The following FSTL5 variants were observed in gnomAD, a reference collection of about 807,000 sequenced individuals.
FSTL5 encodes follistatin-related protein 5.
In FSTL5, 62 loss-of-function variants were observed where a neutral mutation model predicts 89.1. The ratio of observed to expected loss-of-function variants is 0.70; its 90% CI spans 0.57 to 0.86. FSTL5 has a LOEUF of 0.86. FSTL5 is among the 40% of genes least tolerant of loss of function. The pLI, the probability that FSTL5 is intolerant of heterozygous loss-of-function variation, is 0.00. For missense variants in FSTL5, 1,057 were observed against 1,001.6 expected, an observed-to-expected ratio of 1.06 and a Z score of -0.75; for synonymous variants, 383 against 346.2, an observed-to-expected ratio of 1.11 and a Z score of -1.18.
intron 8 of FSTL5, among the ~76,000 whole-genome samples, chr4:161,565,593 G>T (rs1260223459): frequency 2.0e-5 from 3 of 151,606 alleles, no homozygotes; most frequent in Non-Finnish European, 2.9e-5. Context: ...GCAAAAGCTT[G>T]CTGTTTGCCC....
intron 5 of FSTL5, among the ~76,000 whole-genome samples, chr4:161,763,356 G>T (rs1740874681): frequency 6.6e-6 from 1 of 152,192 alleles, no homozygotes; most frequent in African/African-American, 2.4e-5. Flanking sequence ...AATTGAATGT[G>T]CCAGAAGTGG....
At chr4:161,870,321 T>C (rs753749918) in intron 4 of FSTL5, among the ~76,000 whole-genome samples, 2 of 151,686 alleles carry the variant, frequency 1.3e-5, no homozygotes, top group African/African-American at 4.8e-5. Context: ...ATCACAAAGA[T>C]TAAATATTAT....
At chr4:161,987,328 C>CT (rs1285577556) in intron 3 of FSTL5, among the ~76,000 whole-genome samples, 1 of 151,656 alleles carries the variant, frequency 6.6e-6, no homozygotes, top group African/African-American at 2.4e-5. Context: ...AAATGTATCT[C>CT]TTTTAGTGGG....
intron 3 of FSTL5, among the ~76,000 whole-genome samples, chr4:161,983,026 T>C (rs1216048663): frequency 6.6e-6 from 1 of 152,196 alleles, no homozygotes; most frequent in Non-Finnish European, 1.5e-5. Context: ...AATGAAGTTA[T>C]CATTAGAGCA....
chr4:161,424,054 T>C (rs1732088409), intron 15 of FSTL5, among the ~76,000 whole-genome samples: 1 of 135,758 alleles, frequency 7.4e-6, no homozygotes, highest in Non-Finnish European at 1.6e-5. Context: ...TTTTTTTGTA[T>C]TTTTAGTAGA....
chr4:161,614,191 CA>C (rs1205375062), intron 7 of FSTL5, among the ~76,000 whole-genome samples: 2 of 152,016 alleles, frequency 1.3e-5, no homozygotes, highest in South Asian at 2.1e-4. Context: ...CTCAAAATTA[CA>C]AAAAACAAAC....
intron 7 of FSTL5, among the ~76,000 whole-genome samples, chr4:161,601,270 C>CA (rs915848183): frequency 1.2e-4 from 12 of 104,212 alleles, no homozygotes; most frequent in African/African-American, 3.8e-4. Flanking sequence ...CAAAACAAAA[C>CA]AAAAAAACAA....
intron 4 of FSTL5, among the ~76,000 whole-genome samples, chr4:161,781,669 C>T (rs906492760): frequency 2.0e-5 from 3 of 152,114 alleles, no homozygotes; most frequent in Non-Finnish European, 4.4e-5. Context: ...ACATGCAGCT[C>T]TTCCCCAGCT....
intron 2 of FSTL5, among the ~76,000 whole-genome samples, chr4:162,104,430 C>G (rs918626373): frequency 6.6e-6 from 1 of 152,160 alleles, no homozygotes; most frequent in Non-Finnish European, 1.5e-5. Context: ...GGAAGCGGCC[C>G]GCCACCATCT....
intron 4 of FSTL5, 114 bp downstream of exon 4, chr4:161,920,290 G>A (rs1209880067): frequency 2.9e-6 from 3 of 1,024,908 alleles, no homozygotes; most frequent in South Asian, 1.6e-5. Flanking sequence ...GCTATTTTGT[G>A]TTTCTTTTCC....
At chr4:161,397,522 A>G (rs116784389) in intron 15 of FSTL5, among the ~76,000 whole-genome samples, 2,268 of 151,614 alleles carry the variant, frequency 0.015, 50 homozygotes, top group African/African-American at 0.051. Flanking sequence ...ACACATGTAT[A>G]TATAATTTTT....
In FSTL5 at chr4:162,111,251, A is replaced by G. The variant is rs199568916; in HGVS notation, c.126+20T>C. The G allele has an allele frequency of 6.4e-7, 1 of 1,571,554 alleles. No individual in the cohort carries two copies. The highest frequency in any genetic ancestry group is 8.7e-7 in the Non-Finnish European group (1 of 1,152,564). ...TATAATTGGCAGGCACTATGAGCAG[A>G]TTCAGAATATTGACTGTACCTTATG... On this transcript the variant is annotated intron_variant, in intron 2 of 15. Transcript: ENST00000306100.
intron 4 of FSTL5, among the ~76,000 whole-genome samples, chr4:161,776,780 T>C (rs1400289421): frequency 1.3e-5 from 2 of 151,932 alleles, no homozygotes; most frequent in African/African-American, 4.8e-5. Context: ...TTACATGTGG[T>C]ATTTTGAGAC....
At position 162,119,970 on chromosome 4, in the gene FSTL5, T is replaced by C. The variant is rs113859422; in HGVS notation, c.-16-8558A>G. Among the ~76,000 whole-genome samples the C allele has an allele frequency of 3.4e-3, 525 of 152,236 alleles. 1 individual carries two copies. Among genetic ancestry groups the C allele is most frequent in the African/African-American group, 0.012 (484 of 41,552 alleles). On this transcript the variant is annotated intron_variant, in intron 1 of 15. Coordinates refer to ENST00000306100, the MANE Select transcript of FSTL5 (RefSeq NM_020116.5). ...AACATACACAGTACACTTTTTTTCT[T>C]AGTATGTGGGATAAGAATATAATTT...
chr4:161,421,798 G>C (rs1465474417), intron 15 of FSTL5, among the ~76,000 whole-genome samples: 1 of 152,086 alleles, frequency 6.6e-6, no homozygotes, highest in Admixed American at 6.6e-5. Flanking sequence ...CATGAGCTGG[G>C]GCATTGGTTT....
chr4:161,804,669 G>A (rs1415873082), intron 4 of FSTL5, among the ~76,000 whole-genome samples: 1 of 151,700 alleles, frequency 6.6e-6, no homozygotes, highest in African/African-American at 2.4e-5. Context: ...TGTGCCTAAC[G>A]AAATTTTTAA....
chr4:161,733,167 G>A (rs1029970103), intron 6 of FSTL5, among the ~76,000 whole-genome samples: 1 of 151,568 alleles, frequency 6.6e-6, no homozygotes, highest in Admixed American at 6.6e-5. Flanking sequence ...CATAAAAATT[G>A]GCCTTTGTAT....
intron 6 of FSTL5, among the ~76,000 whole-genome samples, chr4:161,674,759 G>C (rs1030997300): frequency 2.5e-4 from 38 of 152,208 alleles, no homozygotes; most frequent in Middle Eastern, 3.4e-3. Context: ...TGTAACAAAG[G>C]CTGTCAGTGT....
chr4:161,607,626 A>G (rs932490941), intron 7 of FSTL5, among the ~76,000 whole-genome samples: 18 of 152,188 alleles, frequency 1.2e-4, no homozygotes, highest in Non-Finnish European at 2.2e-4. Context: ...ATTTTCAGAT[A>G]TCCTATGGGA....
Sources: gnomAD v4.1 joint callset for allele counts (sites outside exome capture counted in the v4.1 genomes callset) on GRCh38, gnomAD v4.1.1 for gene constraint, MANE v1.5 for transcripts, NCBI Gene and HGNC (gene_info 2026-07-23, HGNC 2026-07-21) for gene names.